Variants in NT5M observed in about 807,000 individuals in gnomAD.
NT5M encodes the protein 5',3'-nucleotidase, mitochondrial.
NT5M carries 22 observed loss-of-function variants against 22.2 expected under a neutral mutation model. That is an observed-to-expected ratio of 0.99 (90% confidence interval 0.71 to 1.41). NT5M has a LOEUF of 1.41. NT5M is among the 40% of genes most tolerant of loss of function. The probability of loss-of-function intolerance (pLI) is 0.00; values close to 1 mark genes in which losing one functional copy is unlikely to be tolerated. For missense variants in NT5M, 322 were observed against 314.8 expected (o/e 1.02, Z -0.17); for synonymous variants, 167 against 133.0 (o/e 1.26, Z -1.76).
At chr17:17,308,751 C>G (rs2048863120) in intron 2 of NT5M, among the ~76,000 whole-genome samples, 1 of 152,214 alleles carries the variant, frequency 6.6e-6, no homozygotes, top group South Asian at 2.1e-4. Flanking sequence ...CAGTCACCCC[C>G]ATTCCTGTGC....
At chr17:17,315,548 G>A (rs2046956715) in intron 2 of NT5M, among the ~76,000 whole-genome samples, 1 of 152,102 alleles carries the variant, frequency 6.6e-6, no homozygotes, top group Admixed American at 6.6e-5. Flanking sequence ...GAATGAATGG[G>A]CCAGTGAAGA....
chr17:17,320,646 C>T (rs1251540345), intron 2 of NT5M, among the ~76,000 whole-genome samples: 1 of 152,060 alleles, frequency 6.6e-6, no homozygotes, highest in African/African-American at 2.4e-5. Flanking sequence ...TGGGTGGAAA[C>T]TTGGTGCTGG....
intron 3 of NT5M, among the ~76,000 whole-genome samples, chr17:17,337,223 C>G (rs1011841034): frequency 1.1e-4 from 16 of 151,884 alleles, no homozygotes; most frequent in African/African-American, 3.9e-4. Context: ...TTTTATATAC[C>G]TGTTTGTCAT....
chr17:17,307,813 G>A (rs965358460), intron 2 of NT5M, among the ~76,000 whole-genome samples: 1 of 152,020 alleles, frequency 6.6e-6, no homozygotes, highest in African/African-American at 2.4e-5. Context: ...AGCCAAGATC[G>A]CGCCACTACA....
chr17:17,319,279 CGGGCTGTGGGGAG>C (rs926124830), intron 2 of NT5M, among the ~76,000 whole-genome samples: 21 of 151,782 alleles, frequency 1.4e-4, no homozygotes, highest in East Asian at 5.8e-4. Flanking sequence ...CCTGGTTCCC[CGGGCTGTGGGGAG>C]GGGCTGTGGG....
At chr17:17,319,948 T>C (rs2049115815) in intron 2 of NT5M, among the ~76,000 whole-genome samples, 1 of 152,242 alleles carries the variant, frequency 6.6e-6, no homozygotes. Context: ...ATTCAAGTGA[T>C]TCTTCTGCCT....
intron 2 of NT5M, among the ~76,000 whole-genome samples, chr17:17,312,625 C>T (rs1316503695): frequency 4.6e-5 from 5 of 108,242 alleles, no homozygotes; most frequent in African/African-American, 1.8e-4. Context: ...GCCTGGGCAA[C>T]AAGAGTGAAA....
intron 3 of NT5M, among the ~76,000 whole-genome samples, chr17:17,336,408 G>T (rs2049513213): frequency 1.3e-5 from 2 of 151,986 alleles, no homozygotes; most frequent in Non-Finnish European, 2.9e-5. Flanking sequence ...CTATCTCCAT[G>T]AGTTCAATTG....
chr17:17,346,996 C>T lies in NT5M; in HGVS notation c.*49C>T, dbSNP rs2049775468. ...CTGTGGGGCTCTGACCTCAGGGCTC[C>T]CAGCTCGGGGCCTGTGGGGCCAGTA... On this transcript the variant is annotated 3_prime_UTR_variant, in exon 5 of 5. Transcript: ENST00000389022. 1 of 1,596,348 alleles carries T rather than the reference C, an allele frequency of 6.3e-7. No homozygotes were observed. The highest frequency in any genetic ancestry group is 8.5e-7 in the Non-Finnish European group (1 of 1,173,936).
rs77636620 is a variant in NT5M, at chr17:17,306,758, G to A, written c.368+115G>A. The A allele has an allele frequency of 4.2e-3, 3,113 of 748,128 alleles. 70 individuals carry two copies. In the African/African-American group the frequency reaches 0.047, roughly 11 times the overall value. 46.3% of individuals were successfully genotyped at this position (748,128 alleles called of 1,614,324 possible). ...CTCCTTTCTCTCTCCTTGGCCCTGC[G>A]CAAGGCTGCACTTGCCTCGTCATTG... On this transcript the variant is annotated intron_variant, in intron 2 of 4. Coordinates refer to ENST00000389022, the MANE Select transcript of NT5M (RefSeq NM_020201.4).
chr17:17,314,828 C>T (rs946510530), intron 2 of NT5M, among the ~76,000 whole-genome samples: 3 of 152,324 alleles, frequency 2.0e-5, no homozygotes, highest in South Asian at 4.1e-4. Flanking sequence ...TTGTTTTTCT[C>T]TTTCAAACTG....
At chr17:17,341,088 G>A (rs936467343) in intron 3 of NT5M, among the ~76,000 whole-genome samples, 6 of 151,932 alleles carry the variant, frequency 3.9e-5, no homozygotes, top group African/African-American at 1.2e-4. Context: ...TCATTCAGGA[G>A]CATGTTGTTT....
intron 4 of NT5M, chr17:17,345,330 A>AC (rs2049734906): frequency 2.1e-6 from 2 of 955,092 alleles, no homozygotes; most frequent in East Asian, 1.1e-4. Context: ...GGGACAGAAG[A>AC]CCCCCCTCCC....
intron 2 of NT5M, among the ~76,000 whole-genome samples, chr17:17,308,390 G>A (rs1280570100): frequency 1.3e-5 from 2 of 151,896 alleles, no homozygotes; most frequent in African/African-American, 4.8e-5. Context: ...TCAGGAGTTC[G>A]AGACCAGCCT....
rs915577005 is a variant in NT5M at position 17,303,542 on chromosome 17, C to G, written c.-9C>G. ...TCCCCGCGCCCACGACGGGCCAGCG[C>G]GCTGGGCCATGATCCGGCTGGGCGG... On this transcript the variant is annotated 5_prime_UTR_variant, in exon 1 of 5. Coordinates refer to ENST00000389022, the MANE Select transcript of NT5M (RefSeq NM_020201.4). 6.4e-5 allele frequency: 68 copies of G among 1,057,870 alleles called. No homozygotes were observed. The highest frequency in any genetic ancestry group is 7.2e-5 in the Non-Finnish European group (63 of 877,980). 65.5% of individuals were successfully genotyped at this position (1,057,870 alleles called of 1,614,324 possible).
chr17:17,326,216 A>G (rs1182240507), intron 3 of NT5M, among the ~76,000 whole-genome samples: 1 of 152,204 alleles, frequency 6.6e-6, no homozygotes, highest in African/African-American at 2.4e-5. Flanking sequence ...GAAACAAGAA[A>G]ACTCTTCTGA....
intron 3 of NT5M, among the ~76,000 whole-genome samples, chr17:17,344,554 A>G (rs1311202829): frequency 2.0e-5 from 3 of 151,732 alleles, no homozygotes; most frequent in African/African-American, 7.3e-5. Flanking sequence ...GTTTGTCGTG[A>G]CTCTGCTGCT....
chr17:17,337,113 T>C (rs1256908333), intron 3 of NT5M, among the ~76,000 whole-genome samples: 1 of 152,242 alleles, frequency 6.6e-6, no homozygotes, highest in Non-Finnish European at 1.5e-5. Flanking sequence ...GCATTTGTTA[T>C]TGCCTGACTT....
Position 17,303,822 on chromosome 17 carries a change from G to C in NT5M, c.267+5G>C. On this transcript the variant is annotated splice_donor_5th_base_variant and intron_variant, in intron 1 of 4. Coordinates refer to ENST00000389022, the MANE Select transcript of NT5M (RefSeq NM_020201.4). ...CGCCTGCGGCCAGGGCTGAGCGTGAGCGTCCCCGCCCCGCCCCGCGCCGGG... is the reference window on the plus strand; with the variant it reads ...CGCCTGCGGCCAGGGCTGAGCGTGACCGTCCCCGCCCCGCCCCGCGCCGGG... The C allele has an allele frequency of 7.0e-7, 1 of 1,434,678 alleles. No individual in the cohort carries two copies. The highest frequency in any genetic ancestry group is 9.3e-7 in the Non-Finnish European group (1 of 1,080,930). The allele number at this position is 1,434,678 out of a possible 1,614,324, so 88.9% of individuals were successfully genotyped here. A position where few individuals can be genotyped will look rare whatever the true frequency, so the allele number is the denominator to read the frequency against.
Sources: gnomAD v4.1 joint callset for allele counts (sites outside exome capture counted in the v4.1 genomes callset) on GRCh38, gnomAD v4.1.1 for gene constraint, MANE v1.5 for transcripts, NCBI Gene and HGNC (gene_info 2026-07-23, HGNC 2026-07-21) for gene names.